The following TMEM106B variants were observed in gnomAD, a reference collection of about 807,000 sequenced individuals.
TMEM106B encodes transmembrane protein 106B.
TMEM106B carries 15 observed loss-of-function variants against 31.1 expected under a neutral mutation model. The ratio of observed to expected loss-of-function variants is 0.48; its 90% confidence interval spans 0.32 to 0.74. The LOEUF is 0.74. TMEM106B is among the 30% of genes least tolerant of loss of function. TMEM106B has a pLI of 0.03. For missense variants in TMEM106B, 283 were observed against 327.3 expected (o/e 0.86, Z 1.04); for synonymous variants, 126 against 112.5 (o/e 1.12, Z -0.76).
Position 12,234,517 on chromosome 7 carries a change from T to G in TMEM106B, c.*2542T>G, listed in dbSNP as rs1345600111. 1.3e-5 allele frequency: 2 copies of G among 151,866 alleles called. No individual in the cohort carries two copies. Among genetic ancestry groups the G allele is most frequent in the African/African-American group, 4.8e-5 (2 of 41,444 alleles). The allele number at this position is 151,866 out of a possible 1,614,324, so 9.4% of individuals were successfully genotyped here. ...AACACACATTCAGGTGAAGCAGAAG[T>G]ATAGCCATAAAACATCTAGAAAGAG... On this transcript the variant is annotated 3_prime_UTR_variant, in exon 8 of 8. Transcript: ENST00000396668.
In TMEM106B at chr7:12,241,188, T is replaced by C. The variant is rs940602942; in HGVS notation, c.*9213T>C. ...GGAATATATTGATAATAGCATTTTT[T>C]AAGTTGCCCCAAAAAGATGAAATAC... On this transcript the variant is annotated 3_prime_UTR_variant, in exon 8 of 8. Coordinates refer to ENST00000396668, the MANE Select transcript of TMEM106B (RefSeq NM_001134232.2). 1.3e-5 allele frequency: 2 copies of C among 152,200 alleles called. No individual in the cohort carries two copies. Among genetic ancestry groups the C allele is most frequent in the Non-Finnish European group, 2.9e-5 (2 of 68,028 alleles). 9.4% of individuals were successfully genotyped at this position (152,200 alleles called of 1,614,324 possible).
At chr7:12,219,976 G>C (rs1015022143) in intron 3 of TMEM106B, among the ~76,000 whole-genome samples, 10 of 152,140 alleles carry the variant, frequency 6.6e-5, no homozygotes, top group Non-Finnish European at 2.9e-5. Context: ...AATCAACCCA[G>C]GTTAGTGAAA....
chr7:12,231,729 T>C, intron 7 of TMEM106B, 108 bp from the exon 8 acceptor site: 1 of 883,630 alleles, frequency 1.1e-6, no homozygotes, highest in South Asian at 2.3e-5. Flanking sequence ...TTATCATTAA[T>C]CAAATATTCT....
intron 1 of TMEM106B, among the ~76,000 whole-genome samples, chr7:12,212,963 TTTTAC>T (rs1213826620): frequency 6.6e-6 from 1 of 152,128 alleles, no homozygotes; most frequent in Non-Finnish European, 1.5e-5. Flanking sequence ...TATTTTTCAG[TTTTAC>T]TTTTTCACTT....
In TMEM106B at chr7:12,234,741, A is replaced by T. The variant is rs930704748; in HGVS notation, c.*2766A>T. 6.6e-6 allele frequency: 1 copy of T among 151,896 alleles called. No homozygotes were observed. Among genetic ancestry groups the T allele is most frequent in the African/African-American group, 2.4e-5 (1 of 41,416 alleles). The allele number at this position is 151,896 out of a possible 1,614,324, so 9.4% of individuals were successfully genotyped here. On this transcript the variant is annotated 3_prime_UTR_variant, in exon 8 of 8. Transcript: ENST00000396668. Reference sequence around the variant, plus strand: ...CCTAGTAGACTGGTCATTCTAATAAAATCCAGTACTATAACAAACCTCTGT... The same window carrying T: ...CCTAGTAGACTGGTCATTCTAATAATATCCAGTACTATAACAAACCTCTGT...
At position 12,235,276 on chromosome 7, in the gene TMEM106B, T is replaced by G. The variant is rs1254766224; in HGVS notation, c.*3301T>G. 2 of 152,320 alleles carry G rather than the reference T, an allele frequency of 1.3e-5. No homozygotes were observed. Among genetic ancestry groups the G allele is most frequent in the Non-Finnish European group, 2.9e-5 (2 of 67,816 alleles). The allele number at this position is 152,320 out of a possible 1,614,324, so 9.4% of individuals were successfully genotyped here. On this transcript the variant is annotated 3_prime_UTR_variant, in exon 8 of 8. Transcript: ENST00000396668. ...TTATTTATAAATAATAGAGATTAAT[T>G]TATTTGAGATTTGAAATAAGAATAG...
intron 1 of TMEM106B, among the ~76,000 whole-genome samples, chr7:12,213,389 G>C (rs936609047): frequency 2.0e-5 from 3 of 152,192 alleles, no homozygotes; most frequent in Middle Eastern, 3.2e-3. Flanking sequence ...GAAAAGAGTG[G>C]TGATTGTATT....
chr7:12,231,242 CT>C (rs1422372104), intron 7 of TMEM106B, 127 bp downstream of exon 7: 1 of 656,502 alleles, frequency 1.5e-6, no homozygotes, highest in Non-Finnish European at 2.6e-6. Flanking sequence ...TACAAGAGTG[CT>C]ATGAGTAAAT....
intron 4 of TMEM106B, among the ~76,000 whole-genome samples, chr7:12,226,375 C>T (rs115474060): frequency 1.3e-5 from 2 of 152,196 alleles, no homozygotes; most frequent in South Asian, 4.1e-4. Flanking sequence ...GTAGCCTTGC[C>T]ACTCATGAAA....
In TMEM106B at chr7:12,229,810, T is replaced by C; in HGVS notation, c.573T>C (p.Asp191=). 1 of 1,602,642 alleles carries C rather than the reference T, an allele frequency of 6.2e-7. No individual in the cohort carries two copies. The part of the protein sequence containing the change: ...LNNITIIGPL[D]MKQIDYTVPT... ...ACATAACCATTATTGGTCCACTTGA[T>C]ATGAAACAAGTAAGAATCAATCATG... Residue 191 remains aspartate (D), a synonymous_variant, in exon 5 of 8, where the codon GAT becomes GAC. Transcript: ENST00000396668.
At chr7:12,213,829 C>T (rs898728537) in intron 1 of TMEM106B, among the ~76,000 whole-genome samples, 2 of 152,062 alleles carry the variant, frequency 1.3e-5, no homozygotes, top group African/African-American at 2.4e-5. Flanking sequence ...AAATTCTGAG[C>T]CCCCCAACTA....
At chr7:12,212,641 TG>T (rs1469362200) in intron 1 of TMEM106B, among the ~76,000 whole-genome samples, 1 of 152,204 alleles carries the variant, frequency 6.6e-6, no homozygotes, top group Admixed American at 6.6e-5. Flanking sequence ...ATTTATTTTG[TG>T]TATATTCATG....
chr7:12,224,665 T>C (rs2128526101), intron 4 of TMEM106B, among the ~76,000 whole-genome samples: 1 of 152,322 alleles, frequency 6.6e-6, no homozygotes, highest in South Asian at 2.1e-4. Flanking sequence ...TACAATTTAC[T>C]TTTCAGCATA....
At chr7:12,225,400 G>T (rs959081272) in intron 4 of TMEM106B, among the ~76,000 whole-genome samples, 1 of 152,074 alleles carries the variant, frequency 6.6e-6, no homozygotes, top group Non-Finnish European at 1.5e-5. Context: ...GGGATTGCTG[G>T]GTCAAATGGT....
rs898949131 is a variant in TMEM106B, at chr7:12,233,571, T to G, written c.*1596T>G. On this transcript the variant is annotated 3_prime_UTR_variant, in exon 8 of 8. Transcript: ENST00000396668. ...ATTCGTTGAATGTGGTTTTTGGTTTTTTTTTGTTTTAACACTAGTCTTCCC... is the reference window on the plus strand; with the variant it reads ...ATTCGTTGAATGTGGTTTTTGGTTTGTTTTTGTTTTAACACTAGTCTTCCC... 2.0e-5 allele frequency: 3 copies of G among 151,646 alleles called. No individual in the cohort carries two copies. Among genetic ancestry groups the G allele is most frequent in the Non-Finnish European group, 4.4e-5 (3 of 67,730 alleles). The allele number at this position is 151,646 out of a possible 1,614,324, so 9.4% of individuals were successfully genotyped here.
intron 4 of TMEM106B, among the ~76,000 whole-genome samples, chr7:12,226,790 A>T (rs1287766979): frequency 6.6e-6 from 1 of 152,138 alleles, no homozygotes; most frequent in Non-Finnish European, 1.5e-5. Flanking sequence ...ATATAGGAAA[A>T]TATACGTATA....
At chr7:12,219,413 T>G (rs1781746167) in intron 3 of TMEM106B, among the ~76,000 whole-genome samples, 1 of 152,188 alleles carries the variant, frequency 6.6e-6, no homozygotes, top group Admixed American at 6.5e-5. Flanking sequence ...TTCTTGAAAG[T>G]ACAAAAGCTC....
intron 4 of TMEM106B, among the ~76,000 whole-genome samples, chr7:12,226,616 T>A (rs1781906591): frequency 6.6e-6 from 1 of 151,884 alleles, no homozygotes; most frequent in Admixed American, 6.6e-5. Context: ...GTGGTGGTGG[T>A]TGGAAAGAGG....
chr7:12,236,378 G>A lies in TMEM106B; in HGVS notation c.*4403G>A, dbSNP rs1782135384. On this transcript the variant is annotated 3_prime_UTR_variant, in exon 8 of 8. Coordinates refer to ENST00000396668, the MANE Select transcript of TMEM106B (RefSeq NM_001134232.2). ...AAGTATTTATCACAGACTCTAAATTGAAAAATGTAGTATGATCTATATTTG... is the reference window on the plus strand; with the variant it reads ...AAGTATTTATCACAGACTCTAAATTAAAAAATGTAGTATGATCTATATTTG... 6.6e-6 allele frequency: 1 copy of A among 151,810 alleles called. No individual in the cohort carries two copies. The highest frequency in any genetic ancestry group is 2.1e-4 in the South Asian group (1 of 4,814). 9.4% of individuals were successfully genotyped at this position (151,810 alleles called of 1,614,324 possible).
Sources: gnomAD v4.1 joint callset for allele counts (sites outside exome capture counted in the v4.1 genomes callset) on GRCh38, gnomAD v4.1.1 for gene constraint, MANE v1.5 for transcripts, NCBI Gene and HGNC (gene_info 2026-07-23, HGNC 2026-07-21) for gene names.